Variants in TBC1D30 observed in about 807,000 individuals in gnomAD.
TBC1D30 encodes TBC1 domain family, member 30.
A neutral mutation model predicts 63.2 loss-of-function variants in TBC1D30; 31 were observed. That is an observed-to-expected ratio of 0.49 (90% CI 0.37 to 0.66). The LOEUF is 0.66. Ranked by LOEUF, TBC1D30 falls within the 30% of genes least tolerant of loss-of-function variation. The pLI is 0.00. For missense variants in TBC1D30, 810 were observed against 953.6 expected (o/e 0.85, Z 1.98); for synonymous variants, 307 against 361.5 (o/e 0.85, Z 1.71).
intron 8 of TBC1D30, among the ~76,000 whole-genome samples, chr12:64,845,522 C>G (rs7963746): frequency 6.6e-6 from 1 of 151,864 alleles, no homozygotes; most frequent in East Asian, 1.9e-4. Flanking sequence ...GTCAGGAGAT[C>G]GAGACCATCC....
intron 1 of TBC1D30, among the ~76,000 whole-genome samples, chr12:64,762,938 T>A (rs1244080294): frequency 6.6e-6 from 1 of 152,212 alleles, no homozygotes; most frequent in Non-Finnish European, 1.5e-5. Flanking sequence ...TCAAATATCC[T>A]CTTAACATAG....
chr12:64,797,002 A>G (rs528933090), intron 2 of TBC1D30, among the ~76,000 whole-genome samples: 11 of 144,242 alleles, frequency 7.6e-5, no homozygotes, highest in African/African-American at 2.1e-4. Context: ...AATTTCACAT[A>G]TATCTTCAAG....
intron 1 of TBC1D30, among the ~76,000 whole-genome samples, chr12:64,775,457 CA>C (rs756487029): frequency 1.3e-4 from 20 of 151,822 alleles, no homozygotes; most frequent in Non-Finnish European, 2.4e-4. Context: ...AAATAGAAAA[CA>C]GAAAAAAGCA....
At chr12:64,779,971 T>C (rs1468724477), upstream of TBC1D30, among the ~76,000 whole-genome samples, 6 of 152,214 alleles carry the variant, frequency 3.9e-5, no homozygotes, top group Non-Finnish European at 8.8e-5. Flanking sequence ...CCGAGTTCTA[T>C]TGAGGTCTAG....
At chr12:64,769,665 T>C (rs1870838084) in intron 1 of TBC1D30, among the ~76,000 whole-genome samples, 1 of 151,324 alleles carries the variant, frequency 6.6e-6, no homozygotes, top group African/African-American at 2.4e-5. Flanking sequence ...GGATTACAGG[T>C]GTGAGCCACC....
In TBC1D30 at chr12:64,806,827, A is replaced by G. The variant is rs112764497; in HGVS notation, c.643+20782A>G. Among the ~76,000 whole-genome samples, 399 of 152,376 alleles carry G rather than the reference A, an allele frequency of 2.6e-3. 3 individuals are homozygous for G. The highest frequency in any genetic ancestry group is 9.2e-3 in the African/African-American group (381 of 41,594). On this transcript the variant is annotated intron_variant, in intron 2 of 12. Transcript: ENST00000542120. ...AAACAAAATGTGTTACAGCATCTAC[A>G]TACAGTGGAACACTATTCAGCTTTA...
chr12:64,866,231 A>G (rs1048231632), intron 9 of TBC1D30, among the ~76,000 whole-genome samples: 2 of 152,210 alleles, frequency 1.3e-5, no homozygotes, highest in African/African-American at 2.4e-5. Context: ...GCTAATAGTT[A>G]TGCAAAAAGA....
Position 64,832,200 on chromosome 12 carries a change from G to A in TBC1D30, c.490G>A (p.Ala164Thr). ...DRVVLKRVLL[A>T]YARWNKTVGY... ...GGTTGTGTTGAAGCGGGTGCTGCTGGCCTATGCCCGATGGAACAAAACTGT... is the reference window on the plus strand; with the variant it reads ...GGTTGTGTTGAAGCGGGTGCTGCTGACCTATGCCCGATGGAACAAAACTGT... Residue 164 changes from alanine (A) to threonine (T), a missense_variant, in exon 5 of 12, where the codon GCC becomes ACC. Physicochemically the swap from Ala to Thr is moderately conservative, Grantham distance 58. This residue lies in a region of TBC1D30 where 272 missense variants were observed against 335.9 expected (regional missense o/e 0.81). Transcript: ENST00000539867. The A allele has an allele frequency of 6.5e-7, 1 of 1,536,166 alleles. No homozygotes were observed. The highest frequency in any genetic ancestry group is 8.7e-7 in the Non-Finnish European group (1 of 1,146,914).
chr12:64,778,549 CTT>C (rs34519163), upstream of TBC1D30, among the ~76,000 whole-genome samples: 44 of 78,844 alleles, frequency 5.6e-4, no homozygotes, highest in African/African-American at 1.8e-3. Context: ...ACAGAGAAGC[CTT>C]TTTTTTTTTT....
chr12:64,800,631 C>A (rs1872544029), intron 2 of TBC1D30, among the ~76,000 whole-genome samples: 1 of 151,844 alleles, frequency 6.6e-6, no homozygotes, highest in African/African-American at 2.4e-5. Context: ...CCTCAGGTAC[C>A]ACATGTAGAC....
intron 1 of TBC1D30, among the ~76,000 whole-genome samples, chr12:64,760,152 C>G (rs769632267): frequency 6.6e-6 from 1 of 152,110 alleles, no homozygotes; most frequent in Non-Finnish European, 1.5e-5. Flanking sequence ...GCAGATCGAA[C>G]AAAAATCTTG....
intron 2 of TBC1D30, among the ~76,000 whole-genome samples, chr12:64,788,292 T>C (rs1467956365): frequency 6.6e-6 from 1 of 152,100 alleles, no homozygotes; most frequent in Non-Finnish European, 1.5e-5. Flanking sequence ...TTAATTCTGA[T>C]TGATTTACAC....
At chr12:64,843,566 A>G in intron 8 of TBC1D30, 81 bp downstream of exon 8, 1 of 1,026,978 alleles carries the variant, frequency 9.7e-7, no homozygotes, top group East Asian at 2.6e-5. Flanking sequence ...AGCGGTCTTG[A>G]GAAATGTGCT....
rs936537203 is a variant in TBC1D30 at position 64,876,880 on chromosome 12, A to G, written c.*1092A>G. The G allele has an allele frequency of 2.2e-6, 1 of 455,906 alleles. No individual in the cohort carries two copies. Among genetic ancestry groups the G allele is most frequent in the South Asian group, 1.5e-5 (1 of 64,554 alleles). The allele number at this position is 455,906 out of a possible 1,614,324, so 28.2% of individuals were successfully genotyped here. On this transcript the variant is annotated 3_prime_UTR_variant, in exon 12 of 12. Coordinates refer to ENST00000539867, the MANE Select transcript of TBC1D30 (RefSeq NM_015279.2). ...AGGGATAGCACCTCTTGTCTCCACT[A>G]TGCAGATGGGAACTCTGAGCCACAC...
At chr12:64,804,665 A>G (rs560333649) in intron 2 of TBC1D30, among the ~76,000 whole-genome samples, 26 of 152,310 alleles carry the variant, frequency 1.7e-4, no homozygotes, top group African/African-American at 5.8e-4. Flanking sequence ...CTCTAGAATC[A>G]GTTATGTAAT....
intron 9 of TBC1D30, among the ~76,000 whole-genome samples, chr12:64,865,031 A>T (rs1878102406): frequency 6.6e-6 from 1 of 152,062 alleles, no homozygotes; most frequent in Non-Finnish European, 1.5e-5. Flanking sequence ...GATATCAAGC[A>T]TTAAAAATCT....
chr12:64,781,081 C>A (rs1460923770), exon 1 of TBC1D30: 1 of 1,012,782 alleles, frequency 9.9e-7, no homozygotes, highest in Middle Eastern at 4.8e-4. Context: ...AGCTGTACAG[C>A]TGCACAGAGG....
At chr12:64,790,456 C>T (rs17176792) in intron 2 of TBC1D30, among the ~76,000 whole-genome samples, 13,870 of 152,140 alleles carry the variant, frequency 0.091, 857 homozygotes, top group Middle Eastern at 0.14. Flanking sequence ...TTTGCTATTT[C>T]CTGCATTGGT....
intron 2 of TBC1D30, among the ~76,000 whole-genome samples, chr12:64,789,791 A>C (rs1244417296): frequency 6.6e-6 from 1 of 152,140 alleles, no homozygotes; most frequent in Admixed American, 6.6e-5. Context: ...TTTTTCCCCT[A>C]TATTTAACCA....
Sources: gnomAD v4.1 joint callset for allele counts (sites outside exome capture counted in the v4.1 genomes callset) on GRCh38, gnomAD v4.1.1 for gene constraint, gnomAD v4.1.1 regional missense constraint, MANE v1.5 for transcripts, NCBI Gene and HGNC (gene_info 2026-07-23, HGNC 2026-07-21) for gene names.